Variants in RSPH10B2 observed in about 807,000 individuals in gnomAD.
RSPH10B2 encodes radial spoke head 10 homolog B2 (Chlamydomonas).
In RSPH10B2, 9 loss-of-function variants were observed where a neutral mutation model predicts 49.0. The observed-to-expected ratio is 0.18, with a 90% CI of 0.11 to 0.32. The LOEUF (loss-of-function observed/expected upper bound fraction) is 0.32. Among genes scored for constraint, RSPH10B2 ranks in the 10% least tolerant of loss-of-function variants. The pLI, the probability that RSPH10B2 is intolerant of heterozygous loss-of-function variation, is 1.00. For synonymous variants in RSPH10B2, 35 were observed against 210.2 expected (o/e 0.17, Z 7.21); for missense variants, 95 against 589.9 (o/e 0.16, Z 8.69).
chr7:6,786,684 C>T (rs1782194767), intron 14 of RSPH10B2, among the ~76,000 whole-genome samples, 194 bp from the exon 17 acceptor site: 1 of 135,718 alleles, frequency 7.4e-6, no homozygotes, highest in African/African-American at 2.9e-5. Flanking sequence ...ACACAAGTAC[C>T]TAATATATGT....
chr7:6,776,927 A>ACACAC (rs770227917), intron 10 of RSPH10B2, among the ~76,000 whole-genome samples: 12 of 128,908 alleles, frequency 9.3e-5, no homozygotes, highest in Non-Finnish European at 9.9e-5. Context: ...ACACACACAC[A>ACACAC]AAAGGCAGGG....
intron 3 of RSPH10B2, among the ~76,000 whole-genome samples, chr7:6,763,685 A>C (rs1357046407): frequency 2.1e-5 from 3 of 145,362 alleles, no homozygotes; most frequent in Middle Eastern, 3.3e-3. Flanking sequence ...TCAACCTGCA[A>C]CCTCCCAGAT....
intron 1 of RSPH10B2, among the ~76,000 whole-genome samples, chr7:6,758,259 C>CAG (rs1562398839): frequency 0.01 from 1,547 of 147,428 alleles, no homozygotes; most frequent in African/African-American, 0.037. Flanking sequence ...GGATTACAGG[C>CAG]GTAAGCCACT....
intron 18 of RSPH10B2, chr7:6,796,973 G>A: frequency 2.6e-6 from 1 of 391,278 alleles, no homozygotes; most frequent in Non-Finnish European, 4.3e-6. Flanking sequence ...ATGGGATAAT[G>A]GGAGCATCTT....
At chr7:6,783,837 TA>T (rs1362238578) in intron 13 of RSPH10B2, among the ~76,000 whole-genome samples, 305 of 143,214 alleles carry the variant, frequency 2.1e-3, no homozygotes, top group African/African-American at 7.1e-3. Flanking sequence ...ATAATAATAA[TA>T]ATTATTATTA....
intron 1 of RSPH10B2, among the ~76,000 whole-genome samples, chr7:6,758,319 T>G (rs1334471259): frequency 4.1e-5 from 6 of 147,958 alleles, no homozygotes; most frequent in African/African-American, 1.5e-4. Flanking sequence ...TATTTTATTT[T>G]AGATTTAGAG....
intron 10 of RSPH10B2, among the ~76,000 whole-genome samples, chr7:6,777,895 GCGTGGTCATTTCCCC>G (rs1262444953): frequency 6.6e-6 from 1 of 151,924 alleles, no homozygotes; most frequent in African/African-American, 2.4e-5. Flanking sequence ...AGAAATCAGC[GCGTGGTCATTTCCCC>G]CGTGATTACG....
rs564499472 is a variant in RSPH10B2, at chr7:6,797,101, C to T, written c.2432+335C>T. ...TCAGCTCACTGCAACCTCCGCCTCC[C>T]GGGTTCAAGCGATTCTCTTGCCTCA... On this transcript the variant is annotated intron_variant, in intron 18 of 18. Coordinates refer to ENST00000297186, the Ensembl canonical transcript of RSPH10B2. Among the ~76,000 whole-genome samples the T allele has an allele frequency of 3.2e-4, 46 of 142,038 alleles. 4 individuals are homozygous for T. The highest frequency in any genetic ancestry group is 1.0e-3 in the African/African-American group (41 of 39,320). The allele number at this position is 142,038 out of a possible 152,430, so 93.2% of individuals were successfully genotyped here.
chr7:6,756,159 A>T (rs1781075870), upstream of RSPH10B2, among the ~76,000 whole-genome samples: 1 of 144,160 alleles, frequency 6.9e-6, no homozygotes, highest in African/African-American at 2.7e-5. Flanking sequence ...AGTCCCAGCT[A>T]CTCAGGAGGC....
Position 6,782,008 on chromosome 7 carries a change from G to A in RSPH10B2, c.1758+532G>A, listed in dbSNP as rs1394333826. Among the ~76,000 whole-genome samples, 5 of 111,252 alleles carry A rather than the reference G, an allele frequency of 4.5e-5. 1 individual carries two copies. The Admixed American group carries it at 5.3e-4, about 12-fold the overall frequency. The allele number at this position is 111,252 out of a possible 152,430, so 73.0% of individuals were successfully genotyped here. On this transcript the variant is annotated intron_variant, in intron 13 of 18. Transcript: ENST00000297186. Reference sequence around the variant, plus strand: ...GGCTCACTGCAACCTCCACCTCCTGGGTTCAAGCAATTCTCCTGCCTCAGC... The same window carrying A: ...GGCTCACTGCAACCTCCACCTCCTGAGTTCAAGCAATTCTCCTGCCTCAGC...
chr7:6,754,465 CAG>C (rs1781003588), upstream of RSPH10B2: 3 of 123,314 alleles, frequency 2.4e-5, no homozygotes. Flanking sequence ...AGATCACTGA[CAG>C]AAGACCGAAA....
Position 6,782,715 on chromosome 7 carries a change from G to A in RSPH10B2, c.1758+1239G>A, listed in dbSNP as rs535886357. On this transcript the variant is annotated intron_variant, in intron 13 of 18. Transcript: ENST00000297186. The stretch of plus-strand genomic sequence containing the variant: ...GGCCAATGCTGTGAAACCCCCTTTC[G>A]ACTAAAAATACAAAAAAATTAGCCA... 6.9e-4 allele frequency among the ~76,000 whole-genome samples: 81 copies of A among 117,910 alleles called. 15 individuals carry two copies. Among genetic ancestry groups the A allele is most frequent in the African/African-American group, 2.5e-3 (77 of 30,320 alleles). The allele number at this position is 117,910 out of a possible 152,430, so 77.4% of individuals were successfully genotyped here.
chr7:6,781,222 C>T, intron 12 of RSPH10B2, 106 bp from the exon 15 acceptor site: 1 of 1,139,974 alleles, frequency 8.8e-7, no homozygotes, highest in South Asian at 2.3e-5. Flanking sequence ...TGGGTGACAT[C>T]AAGACTCTGT....
intron 13 of RSPH10B2, among the ~76,000 whole-genome samples, chr7:6,783,288 C>T (rs1207565770): frequency 3.4e-5 from 4 of 116,068 alleles, no homozygotes; most frequent in African/African-American, 1.5e-4. Context: ...TGTCGGACTC[C>T]CAAAGTGCTG....
intron 10 of RSPH10B2, among the ~76,000 whole-genome samples, chr7:6,777,044 TTTTTGTTTTG>T: frequency 2.0e-5 from 1 of 49,374 alleles, no homozygotes; most frequent in African/African-American, 1.0e-4. Flanking sequence ...TTCATCTGTT[TTTTTGTTTTG>T]TTTTGTTTTG....
rs1554256008 is a variant in RSPH10B2, at chr7:6,781,869, AAT to A, written c.1758+407_1758+408del. Among the ~76,000 whole-genome samples the A allele has an allele frequency of 1.4e-4, 14 of 99,220 alleles. 3 individuals carry two copies. Among genetic ancestry groups the A allele is most frequent in the African/African-American group, 3.1e-4 (8 of 25,424 alleles). The allele number at this position is 99,220 out of a possible 152,430, so 65.1% of individuals were successfully genotyped here. ...TATGCCATGGGCCATTGTCTTAAAA[AAT>A]ATATATATATATAAATATATATATA... On this transcript the variant is annotated intron_variant, in intron 13 of 18. Transcript: ENST00000297186.
At chr7:6,764,536 T>C (rs1350718923) in intron 4 of RSPH10B2, among the ~76,000 whole-genome samples, 12 of 148,968 alleles carry the variant, frequency 8.1e-5, no homozygotes, top group African/African-American at 2.4e-4. Context: ...AATTTTTGTA[T>C]TTTTAGTAGA....
At chr7:6,782,034 C>T (rs1488697367) in intron 13 of RSPH10B2, among the ~76,000 whole-genome samples, 1 of 111,896 alleles carries the variant, frequency 8.9e-6, no homozygotes, top group Non-Finnish European at 1.8e-5. Context: ...CTGCCTCAGC[C>T]TCCTAAGTAG....
At chr7:6,763,120 AC>A (rs1305845686) in intron 3 of RSPH10B2, among the ~76,000 whole-genome samples, 1 of 12,840 alleles carries the variant, frequency 7.8e-5, no homozygotes, top group East Asian at 3.0e-3. Context: ...AAACAAAAAA[AC>A]AACAACAAAA....
Sources: gnomAD v4.1 joint callset for allele counts (sites outside exome capture counted in the v4.1 genomes callset) on GRCh38, gnomAD v4.1.1 for gene constraint, MANE v1.5 for transcripts, NCBI Gene and HGNC (gene_info 2026-07-23, HGNC 2026-07-21) for gene names.